The following BRF1 variants were observed in gnomAD, a reference collection of about 807,000 sequenced individuals.
The protein encoded by BRF1 is transcription factor IIIB 90 kDa subunit.
A neutral mutation model predicts 81.7 loss-of-function variants in BRF1; 59 were observed. That is an observed-to-expected ratio of 0.72 (90% CI 0.59 to 0.90). The LOEUF (loss-of-function observed/expected upper bound fraction) is 0.90. BRF1 is among the 40% of genes least tolerant of loss of function. The probability of loss-of-function intolerance (pLI) is 0.00; values close to 1 mark genes in which losing one functional copy is unlikely to be tolerated. For missense variants in BRF1, 1,050 were observed against 936.3 expected (o/e 1.12, Z -1.58); for synonymous variants, 491 against 395.6 (o/e 1.24, Z -2.86).
intron 2 of BRF1, 62 bp from the exon 3 acceptor site, chr14:105,272,956 A>G: frequency 6.7e-7 from 1 of 1,483,642 alleles, no homozygotes; most frequent in East Asian, 2.4e-5. Context: ...AAAGTATCAC[A>G]CGGCCACAGC....
At chr14:105,250,043 G>A (rs1485059313) in intron 5 of BRF1, 1 of 1,612,966 alleles carries the variant, frequency 6.2e-7, no homozygotes, top group Admixed American at 1.7e-5. Flanking sequence ...GCATGTTCTG[G>A]GGCGAGCCCT....
At chr14:105,241,152 C>A (rs1164079400) in intron 6 of BRF1, 113 bp downstream of exon 6, 10 of 1,497,660 alleles carry the variant, frequency 6.7e-6, no homozygotes, top group South Asian at 1.3e-5. Context: ...AGGCTGGAGG[C>A]AGCTCTCAGT....
intron 1 of BRF1, among the ~76,000 whole-genome samples, chr14:105,307,453 C>T (rs1393886178): frequency 6.6e-6 from 1 of 152,196 alleles, no homozygotes; most frequent in Non-Finnish European, 1.5e-5. Flanking sequence ...TTCCCTTCAC[C>T]CCCTCCCTGT....
rs1893167485 is a variant in BRF1 at position 105,226,765 on chromosome 14, A to G, written c.789-5T>C. 2 of 1,613,450 alleles carry G rather than the reference A, an allele frequency of 1.2e-6. No homozygotes were observed. Among genetic ancestry groups the G allele is most frequent in the Non-Finnish European group, 1.7e-6 (2 of 1,179,976 alleles). ...GTGTCTTCAAATTCCGTGAGCCTAA[A>G]ATGGAGCCAGACATGGGAAATGGAG... On this transcript the variant is annotated splice_region_variant and splice_polypyrimidine_tract_variant and intron_variant, in intron 7 of 17. Transcript: ENST00000547530.
chr14:105,279,698 G>A (rs1020631369), intron 2 of BRF1, among the ~76,000 whole-genome samples: 1 of 152,120 alleles, frequency 6.6e-6, no homozygotes, highest in Non-Finnish European at 1.5e-5. Context: ...ACACCCATTC[G>A]CAGGTAAACT....
At chr14:105,247,275 G>A (rs2055186992) in intron 5 of BRF1, 3 of 985,326 alleles carry the variant, frequency 3.0e-6, no homozygotes, top group East Asian at 2.3e-4. Context: ...GCCGTGCGGA[G>A]TTACGCACCC....
intron 2 of BRF1, among the ~76,000 whole-genome samples, chr14:105,273,613 A>T (rs1595441922): frequency 1.3e-5 from 2 of 152,152 alleles, no homozygotes; most frequent in Non-Finnish European, 2.9e-5. Context: ...CTTTGCCCCA[A>T]CCTGGAGCTC....
chr14:105,273,557 C>CA (rs2056751733), intron 2 of BRF1, among the ~76,000 whole-genome samples: 1 of 152,230 alleles, frequency 6.6e-6, no homozygotes, highest in African/African-American at 2.4e-5. Flanking sequence ...GTGCCCTGAA[C>CA]AACTGCTTTG....
intron 15 of BRF1, among the ~76,000 whole-genome samples, chr14:105,215,477 C>A (rs897288608): frequency 1.3e-5 from 2 of 152,114 alleles, no homozygotes; most frequent in African/African-American, 4.8e-5. Context: ...AACACATGCA[C>A]ACACACACGT....
At chr14:105,248,520 G>A (rs2055288995) in intron 5 of BRF1, 1 of 979,674 alleles carries the variant, frequency 1.0e-6, no homozygotes, top group African/African-American at 1.8e-5. Flanking sequence ...GTCGCGCGGG[G>A]CGCGGCCCTG....
rs1882847 is a variant in BRF1 at position 105,228,992 on chromosome 14, C to A, written c.695-79G>T. On this transcript the variant is annotated intron_variant, in intron 6 of 17. Transcript: ENST00000547530. ...TCTGTGGCGGCCCAGGACAACACTG[C>A]GGATCCCGGTCACGGAGATGATGGC... is the stretch of plus-strand genomic sequence containing the variant. 63,679 of 1,298,294 alleles carry A rather than the reference C, an allele frequency of 0.049. 12,737 individuals are homozygous for A. The East Asian group carries it at 0.67, about 14-fold the overall frequency. The allele number at this position is 1,298,294 out of a possible 1,614,324, so 80.4% of individuals were successfully genotyped here.
At chr14:105,274,540 G>C (rs1474421750) in intron 2 of BRF1, among the ~76,000 whole-genome samples, 3 of 152,206 alleles carry the variant, frequency 2.0e-5, no homozygotes, top group Non-Finnish European at 4.4e-5. Context: ...CGAGGTGCTG[G>C]AGGTGGCCAG....
chr14:105,221,407 G>A (rs905118235), intron 11 of BRF1, among the ~76,000 whole-genome samples: 1 of 152,238 alleles, frequency 6.6e-6, no homozygotes, highest in African/African-American at 2.4e-5. Flanking sequence ...GGCGGTCCCA[G>A]TGAGGGTGAC....
intron 3 of BRF1, among the ~76,000 whole-genome samples, chr14:105,259,509 G>A (rs994974325): frequency 2.0e-5 from 3 of 152,208 alleles, no homozygotes; most frequent in African/African-American, 7.2e-5. Context: ...GCTTCATTCA[G>A]AACAGCCAAA....
intron 5 of BRF1, chr14:105,248,280 T>C (rs989730660): frequency 6.1e-6 from 6 of 985,232 alleles, no homozygotes; most frequent in Admixed American, 6.2e-5. Flanking sequence ...GGAATGCAAA[T>C]GGCCAAACAA....
At chr14:105,286,433 C>A in intron 1 of BRF1, 57 bp from the exon 2 acceptor site, 1 of 1,527,050 alleles carries the variant, frequency 6.5e-7, no homozygotes, top group East Asian at 2.3e-5. Context: ...ATTTACAACC[C>A]TTTCCTAACA....
intron 4 of BRF1, among the ~76,000 whole-genome samples, chr14:105,255,041 C>T (rs587691217): frequency 1.6e-4 from 24 of 152,334 alleles, no homozygotes; most frequent in Non-Finnish European, 2.9e-4. Flanking sequence ...AGACTGCCCT[C>T]GTGGGTGTCT....
intron 10 of BRF1, among the ~76,000 whole-genome samples, chr14:105,224,503 CCTTT>C (rs1192905735): frequency 2.0e-5 from 3 of 152,350 alleles, no homozygotes; most frequent in East Asian, 1.9e-4. Flanking sequence ...TCTGCTTCTT[CCTTT>C]AAGGTTGGCA....
intron 3 of BRF1, among the ~76,000 whole-genome samples, chr14:105,257,048 T>C (rs1180727399): frequency 1.3e-5 from 2 of 151,848 alleles, no homozygotes; most frequent in African/African-American, 2.4e-5. Flanking sequence ...TGGGGCCCCC[T>C]TGGTGAGTGG....
Sources: gnomAD v4.1 joint callset for allele counts (sites outside exome capture counted in the v4.1 genomes callset) on GRCh38, gnomAD v4.1.1 for gene constraint, MANE v1.5 for transcripts, NCBI Gene and HGNC (gene_info 2026-07-23, HGNC 2026-07-21) for gene names.